ATP2B2: variants seen among roughly 807,000 people sequenced by gnomAD.
The protein encoded by ATP2B2 is plasma membrane calcium-transporting ATPase 2.
A neutral mutation model predicts 120.0 loss-of-function variants in ATP2B2; 15 were observed. The observed-to-expected ratio is 0.12, with a 90% CI of 0.08 to 0.19. The LOEUF (loss-of-function observed/expected upper bound fraction) is 0.19. ATP2B2 is among the 10% of genes least tolerant of loss of function. The pLI is 1.00. For synonymous variants in ATP2B2, 694 were observed against 700.3 expected (o/e 0.99, Z 0.14); for missense variants, 1,045 against 1,719.8 (o/e 0.61, Z 6.94).
intron 12 of ATP2B2, among the ~76,000 whole-genome samples, chr3:10,361,476 C>T (rs944977176): frequency 6.6e-6 from 1 of 152,222 alleles, no homozygotes; most frequent in Non-Finnish European, 1.5e-5. Context: ...CCCCTTCACA[C>T]ATTAGACACA....
intron 2 of ATP2B2, among the ~76,000 whole-genome samples, chr3:10,587,462 C>T (rs528125480): frequency 3.9e-5 from 6 of 152,218 alleles, no homozygotes; most frequent in African/African-American, 1.4e-4. Context: ...GATCTTGAAC[C>T]TTTGCCTCCC....
intron 1 of ATP2B2, 104 bp from the exon 2 acceptor site, chr3:10,449,966 A>C: frequency 3.0e-6 from 1 of 328,640 alleles, no homozygotes; most frequent in Non-Finnish European, 6.0e-6. Context: ...CCTAAACAAC[A>C]CTGACTACAC....
At chr3:10,629,292 A>G (rs1478058411) in intron 1 of ATP2B2, among the ~76,000 whole-genome samples, 6 of 152,126 alleles carry the variant, frequency 3.9e-5, no homozygotes, top group Admixed American at 3.9e-4. Context: ...GCCATTTTCC[A>G]CCTCTGCACA....
chr3:10,359,832 C>T (rs2060845462), intron 13 of ATP2B2, 50 bp downstream of exon 13: 2 of 1,612,854 alleles, frequency 1.2e-6, no homozygotes, highest in African/African-American at 2.7e-5. Flanking sequence ...ATCCCCAGCT[C>T]CCTGCACCAG....
At chr3:10,551,372 C>T (rs555821982) in intron 2 of ATP2B2, among the ~76,000 whole-genome samples, 3 of 152,182 alleles carry the variant, frequency 2.0e-5, no homozygotes, top group Non-Finnish European at 4.4e-5. Flanking sequence ...TCAAGCCCAC[C>T]ATGGGCACAG....
At chr3:10,707,862 C>T (rs1005084051) in intron 1 of ATP2B2, 2 of 152,744 alleles carry the variant, frequency 1.3e-5, no homozygotes. Flanking sequence ...TGACAAGAGA[C>T]CGAGCGAGAG....
chr3:10,592,501 C>A (rs2068667237), intron 2 of ATP2B2, among the ~76,000 whole-genome samples: 1 of 152,194 alleles, frequency 6.6e-6, no homozygotes. Flanking sequence ...TGCAAAGGCC[C>A]AGAATGTCCT....
At chr3:10,479,465 A>T (rs1156288466) in intron 1 of ATP2B2, among the ~76,000 whole-genome samples, 1 of 151,698 alleles carries the variant, frequency 6.6e-6, no homozygotes, top group Non-Finnish European at 1.5e-5. Context: ...GCCTTCTCTG[A>T]TTTACTTACG....
At chr3:10,336,034 C>CGGCT in intron 22 of ATP2B2, 1 of 1,409,744 alleles carries the variant, frequency 7.1e-7, no homozygotes, top group South Asian at 1.3e-5. Context: ...TGATTGTGAC[C>CGGCT]GGCTGCCCCC....
At chr3:10,474,198 C>T (rs2065120166) in intron 1 of ATP2B2, among the ~76,000 whole-genome samples, 1 of 151,998 alleles carries the variant, frequency 6.6e-6, no homozygotes, top group Admixed American at 6.5e-5. Context: ...GATGGTGGCA[C>T]CATTTACTGC....
chr3:10,576,868 G>A (rs548683748), intron 2 of ATP2B2, among the ~76,000 whole-genome samples: 3 of 152,016 alleles, frequency 2.0e-5, no homozygotes, highest in African/African-American at 7.2e-5. Context: ...TTCGAGACCA[G>A]CCTGGTCAAT....
intron 2 of ATP2B2, among the ~76,000 whole-genome samples, chr3:10,596,441 A>T (rs368821201): frequency 9.8e-5 from 15 of 152,342 alleles, no homozygotes; most frequent in East Asian, 7.7e-4. Context: ...AGTGACCACA[A>T]ATTTAATTTT....
At chr3:10,391,481 T>G (rs185332402) in intron 5 of ATP2B2, among the ~76,000 whole-genome samples, 1 of 152,246 alleles carries the variant, frequency 6.6e-6, no homozygotes, top group East Asian at 1.9e-4. Flanking sequence ...GGGGCCAATT[T>G]CCACCCACGA....
At chr3:10,469,056 G>T (rs908403051) in intron 1 of ATP2B2, among the ~76,000 whole-genome samples, 1 of 151,836 alleles carries the variant, frequency 6.6e-6, no homozygotes, top group South Asian at 2.2e-4. Flanking sequence ...CACTCATCTC[G>T]CAAACTTTTG....
upstream of ATP2B2, among the ~76,000 whole-genome samples, chr3:10,509,258 T>G (rs2066711737): frequency 1.3e-5 from 2 of 152,174 alleles, no homozygotes; most frequent in Non-Finnish European, 2.9e-5. Flanking sequence ...CTCTCTGTTT[T>G]TGCTCTTCTT....
At chr3:10,481,876 C>A (rs2065427654) in intron 1 of ATP2B2, among the ~76,000 whole-genome samples, 1 of 152,204 alleles carries the variant, frequency 6.6e-6, no homozygotes, top group African/African-American at 2.4e-5. Flanking sequence ...TAAAAAATAA[C>A]ACTTACACCC....
intron 3 of ATP2B2, among the ~76,000 whole-genome samples, chr3:10,527,891 G>A (rs1042833069): frequency 6.6e-6 from 1 of 152,140 alleles, no homozygotes; most frequent in Admixed American, 6.5e-5. Context: ...AGGTGGCCAC[G>A]GCACCGAGGC....
At chr3:10,422,395 T>C (rs1199137387) in intron 2 of ATP2B2, among the ~76,000 whole-genome samples, 1 of 152,190 alleles carries the variant, frequency 6.6e-6, no homozygotes, top group African/African-American at 2.4e-5. Flanking sequence ...CTGGTGTGCA[T>C]TGCAGGCATG....
intron 1 of ATP2B2, among the ~76,000 whole-genome samples, chr3:10,490,292 C>A (rs2065884928): frequency 6.6e-6 from 1 of 152,224 alleles, no homozygotes; most frequent in South Asian, 2.1e-4. Context: ...GTATCAATGA[C>A]CCTCAATTTC....
Sources: allele counts gnomAD v4.1 joint callset (sites outside exome capture counted in the v4.1 genomes callset), GRCh38; gene constraint gnomAD v4.1.1; transcripts MANE v1.5; gene names NCBI Gene and HGNC (gene_info 2026-07-23, HGNC 2026-07-21).